The following RORA variants were observed in gnomAD, a reference collection of about 807,000 sequenced individuals.
RORA encodes RAR related orphan receptor A, also known as nuclear receptor ROR-alpha.
A neutral mutation model predicts 69.5 loss-of-function variants in RORA; 7 were observed. That is an observed-to-expected ratio of 0.10 (90% CI 0.06 to 0.19). The LOEUF (loss-of-function observed/expected upper bound fraction) is 0.19. Among genes scored for constraint, RORA ranks in the 10% least tolerant of loss-of-function variants. The pLI, the probability that RORA is intolerant of heterozygous loss-of-function variation, is 1.00. For synonymous variants in RORA, 261 were observed against 240.8 expected, an observed-to-expected ratio of 1.08 and a Z score of -0.78; for missense variants, 457 against 663.0, an observed-to-expected ratio of 0.69 and a Z score of 3.41.
At chr15:60,572,943 T>G (rs775693244) in intron 2 of RORA, among the ~76,000 whole-genome samples, 1 of 152,234 alleles carries the variant, frequency 6.6e-6, no homozygotes, top group Admixed American at 6.5e-5. Context: ...CAATCTTTAA[T>G]GTAATAATTA....
At chr15:60,845,962 G>T (rs1243069142) in intron 1 of RORA, among the ~76,000 whole-genome samples, 2 of 152,178 alleles carry the variant, frequency 1.3e-5, no homozygotes, top group African/African-American at 2.4e-5. Flanking sequence ...AGCCAGGATG[G>T]TCTCAATCTC....
At chr15:60,997,595 A>T (rs1403099851) in intron 1 of RORA, among the ~76,000 whole-genome samples, 1 of 152,218 alleles carries the variant, frequency 6.6e-6, no homozygotes, top group Non-Finnish European at 1.5e-5. Context: ...AAAAATTAAG[A>T]TAGTCTACTG....
At chr15:60,783,603 A>AACG (rs2140340871) in intron 1 of RORA, among the ~76,000 whole-genome samples, 1 of 152,304 alleles carries the variant, frequency 6.6e-6, no homozygotes, top group South Asian at 2.1e-4. Flanking sequence ...GAAGGCTTAA[A>AACG]ACGTCGCATC....
chr15:60,646,070 T>G (rs929348878), intron 2 of RORA, among the ~76,000 whole-genome samples: 2 of 152,184 alleles, frequency 1.3e-5, no homozygotes, highest in African/African-American at 4.8e-5. Context: ...CATTTGGCAT[T>G]GGAAAAGTAC....
At chr15:60,947,288 T>G (rs1269782630) in intron 1 of RORA, among the ~76,000 whole-genome samples, 1 of 152,224 alleles carries the variant, frequency 6.6e-6, no homozygotes, top group South Asian at 2.1e-4. Flanking sequence ...GAAATCAGAT[T>G]GTTGCTGTGT....
At chr15:61,074,860 G>C (rs922326176) in intron 1 of RORA, among the ~76,000 whole-genome samples, 1 of 152,246 alleles carries the variant, frequency 6.6e-6, no homozygotes, top group Middle Eastern at 3.4e-3. Context: ...GCTGAGGCAG[G>C]TGTATCACTT....
At position 61,039,091 on chromosome 15, in the gene RORA, G is replaced by T. The variant is rs1217311379; in HGVS notation, c.166+189962C>A. On this transcript the variant is annotated intron_variant, in intron 1 of 10. Transcript: ENST00000335670. ...CCAACTCAAACCTCTTGCTGTTTGG[G>T]GTTAGCTCGTCCTTGGCCAAGTACA... The T allele has an allele frequency of 2.0e-5, 3 of 152,302 alleles. No individual in the cohort carries two copies. The East Asian group carries it at 5.8e-4, about 29-fold the overall frequency. The allele number at this position is 152,302 out of a possible 1,614,324, so 9.4% of individuals were successfully genotyped here. A position where few individuals can be genotyped will look rare whatever the true frequency, so the allele number is the denominator to read the frequency against.
chr15:60,630,837 A>C (rs1326867312), intron 2 of RORA, among the ~76,000 whole-genome samples: 1 of 152,018 alleles, frequency 6.6e-6, no homozygotes, highest in Admixed American at 6.5e-5. Flanking sequence ...GGACAACACA[A>C]ACTGCCCAAA....
intron 1 of RORA, among the ~76,000 whole-genome samples, chr15:61,136,878 A>G (rs2079244844): frequency 6.6e-6 from 1 of 152,122 alleles, no homozygotes; most frequent in Non-Finnish European, 1.5e-5. Context: ...TTTTGAGTCC[A>G]AAGTCAAGAT....
At chr15:60,933,026 T>C (rs974066409) in intron 1 of RORA, among the ~76,000 whole-genome samples, 8 of 152,204 alleles carry the variant, frequency 5.3e-5, no homozygotes, top group African/African-American at 1.9e-4. Context: ...CCCACAGTCA[T>C]GAACTTGCAG....
At chr15:60,778,628 G>T (rs2072208596) in intron 1 of RORA, among the ~76,000 whole-genome samples, 1 of 152,116 alleles carries the variant, frequency 6.6e-6, no homozygotes, top group African/African-American at 2.4e-5. Context: ...AAGGTAGGGG[G>T]TCAGGAACTA....
intron 2 of RORA, among the ~76,000 whole-genome samples, chr15:60,597,560 AT>A (rs2068703583): frequency 3.0e-5 from 1 of 33,666 alleles, no homozygotes; most frequent in African/African-American, 1.6e-4. Flanking sequence ...ACATATATAT[AT>A]ATATATATAT....
At chr15:60,946,880 G>A (rs1163342651) in intron 1 of RORA, among the ~76,000 whole-genome samples, 22 of 149,312 alleles carry the variant, frequency 1.5e-4, no homozygotes, top group South Asian at 6.4e-4. Context: ...CTGCCCCGCC[G>A]CCCCGTCTGG....
chr15:61,133,725 T>C (rs1407165328), intron 1 of RORA, among the ~76,000 whole-genome samples: 1 of 152,204 alleles, frequency 6.6e-6, no homozygotes, highest in African/African-American at 2.4e-5. Flanking sequence ...ACCAGTCCTT[T>C]CTTGAAATTG....
intron 1 of RORA, among the ~76,000 whole-genome samples, chr15:60,949,492 C>A (rs185722139): frequency 3.0e-4 from 45 of 152,312 alleles, no homozygotes; most frequent in African/African-American, 1.0e-3. Flanking sequence ...GCCCTGGACC[C>A]GAGCAGCAGA....
chr15:60,591,563 G>T (rs921330551), intron 2 of RORA, among the ~76,000 whole-genome samples: 4 of 151,612 alleles, frequency 2.6e-5, no homozygotes, highest in Non-Finnish European at 5.9e-5. Flanking sequence ...GCGGAAGGCC[G>T]GGCCGCCCGG....
At chr15:60,670,242 C>G (rs1479231805) in intron 2 of RORA, among the ~76,000 whole-genome samples, 1 of 147,504 alleles carries the variant, frequency 6.8e-6, no homozygotes, top group African/African-American at 2.5e-5. Context: ...TGGAGTCCCA[C>G]TACATTGCCC....
chr15:60,729,612 A>G (rs2071404538), intron 1 of RORA, among the ~76,000 whole-genome samples: 2 of 152,184 alleles, frequency 1.3e-5, no homozygotes, highest in African/African-American at 2.4e-5. Context: ...CATGAGAGGG[A>G]ATTTTAGTGA....
rs1379561853 is a variant in RORA, at chr15:61,131,890, A to G, written c.166+97163T>C. Reference sequence around the variant, plus strand: ...AAATTTCATACTTGGCAAATAGGAAAAACTTCACTTGGAAAAAACAGCACT... The same window carrying G: ...AAATTTCATACTTGGCAAATAGGAAGAACTTCACTTGGAAAAAACAGCACT... On this transcript the variant is annotated intron_variant, in intron 1 of 10. Transcript: ENST00000335670. The surrounding 1 kb of genome is among the most constrained non-coding windows in gnomAD (Gnocchi z 4.2). Among the ~76,000 whole-genome samples, 1 of 152,212 alleles carries G rather than the reference A, an allele frequency of 6.6e-6. No individual in the cohort carries two copies. Among genetic ancestry groups the G allele is most frequent in the Non-Finnish European group, 1.5e-5 (1 of 68,032 alleles).
Sources: gnomAD v4.1 joint callset for allele counts (sites outside exome capture counted in the v4.1 genomes callset) on GRCh38, gnomAD v4.1.1 for gene constraint, Gnocchi (gnomAD v3.1) non-coding constraint, MANE v1.5 for transcripts, NCBI Gene and HGNC (gene_info 2026-07-23, HGNC 2026-07-21) for gene names.